BEGAIN: variants seen among roughly 807,000 people sequenced by gnomAD.
BEGAIN encodes brain-enriched guanylate kinase-associated protein.
Under a neutral mutation model 35.8 loss-of-function variants are expected in BEGAIN, and 19 were observed. That is an observed-to-expected ratio of 0.53 (90% CI 0.37 to 0.78). BEGAIN has a LOEUF of 0.78. BEGAIN is among the 30% of genes least tolerant of loss of function. The pLI is 0.00. For synonymous variants in BEGAIN, 462 were observed against 388.6 expected, an observed-to-expected ratio of 1.19 and a Z score of -2.22; for missense variants, 795 against 853.6, an observed-to-expected ratio of 0.93 and a Z score of 0.85.
Position 100,538,559 on chromosome 14 carries a change from A to G in BEGAIN, c.1249T>C (p.Trp417Arg). 1 of 1,529,998 alleles carries G rather than the reference A, an allele frequency of 6.5e-7. No homozygotes were observed. The highest frequency in any genetic ancestry group is 1.4e-5 in the African/African-American group (1 of 72,990). The allele number at this position is 1,529,998 out of a possible 1,614,324, so 94.8% of individuals were successfully genotyped here. ...PQQALMPPNLWSLRAKPGTAR... is the reference protein window; with the variant it reads ...PQQALMPPNLRSLRAKPGTAR... ...GTCCCCGGCTTGGCCCGCAGGCTCC[A>G]CAGGTTTGGGGGCATCAGGGCCTGC... The change falls in exon 7 of 7, where the codon TGG becomes CGG. Residue 417 changes from tryptophan to arginine, a missense_variant. Transcript: ENST00000554140.
intron 2 of BEGAIN, among the ~76,000 whole-genome samples, chr14:100,551,747 AG>A (rs1165052111): frequency 6.6e-6 from 1 of 152,020 alleles, no homozygotes; most frequent in Non-Finnish European, 1.5e-5. Context: ...GGTCAGGCCG[AG>A]GGGGCAGCAG....
intron 1 of BEGAIN, among the ~76,000 whole-genome samples, chr14:100,570,282 TG>T (rs2035036574): frequency 6.6e-6 from 1 of 152,178 alleles, no homozygotes; most frequent in Non-Finnish European, 1.5e-5. Flanking sequence ...AGAAGGGAAC[TG>T]GGGGGAAAGG....
In BEGAIN at chr14:100,573,168, G is replaced by A. The variant is rs1313556071; in HGVS notation, c.43-5229C>T. ...AATCCCAAGGGGCCACTGGAGGAGGGAGCAGGTGAGTCTGGGGGGAGGGGC... is the reference window on the plus strand; with the variant it reads ...AATCCCAAGGGGCCACTGGAGGAGGAAGCAGGTGAGTCTGGGGGGAGGGGC... On this transcript the variant is annotated intron_variant, in intron 1 of 6. Coordinates refer to ENST00000554140, the MANE Select transcript of BEGAIN (RefSeq NM_001385089.1). The surrounding 1 kb of genome is among the most constrained non-coding windows in gnomAD (Gnocchi z 4.2). Among the ~76,000 whole-genome samples the A allele has an allele frequency of 6.7e-6, 1 of 148,886 alleles. No individual in the cohort carries two copies. The highest frequency in any genetic ancestry group is 1.5e-5 in the Non-Finnish European group (1 of 67,154).
At chr14:100,580,717 T>G (rs1374807402) in intron 1 of BEGAIN, among the ~76,000 whole-genome samples, 1 of 152,190 alleles carries the variant, frequency 6.6e-6, no homozygotes, top group East Asian at 1.9e-4. Context: ...TATCTGTGTG[T>G]GTGTCCCCCC....
In BEGAIN at chr14:100,538,906, A is replaced by G. The variant is rs1324696310; in HGVS notation, c.902T>C (p.Phe301Ser). The change falls in exon 7 of 7, where the codon TTC becomes TCC. Residue 301 changes from phenylalanine (F) to serine (S), a missense_variant. Transcript: ENST00000554140. ...GTAGCTGGGGAAGGCCTCATGCTGGAAGCCCGCCGGGAAGGCCGCCGCCTC... is the reference window on the plus strand; with the variant it reads ...GTAGCTGGGGAAGGCCTCATGCTGGGAGCCCGCCGGGAAGGCCGCCGCCTC... The part of the protein sequence containing the change: ...EAEAAAFPAG[F>S]QHEAFPSYAG... The G allele has an allele frequency of 6.2e-7, 1 of 1,607,502 alleles. No individual in the cohort carries two copies.
In BEGAIN at chr14:100,542,784, T is replaced by G. The variant is rs910868733; in HGVS notation, c.408+1074A>C. On this transcript the variant is annotated intron_variant, in intron 5 of 6. Coordinates refer to ENST00000554140, the MANE Select transcript of BEGAIN (RefSeq NM_001385089.1). ...TATGGTCCTGGCCTCCTCCTGATCT[T>G]CCTGCTCCTGTCCTCGTCCCTACAG... 2.6e-5 allele frequency among the ~76,000 whole-genome samples: 4 copies of G among 152,218 alleles called. No individual in the cohort carries two copies. In the East Asian group the frequency reaches 7.7e-4, roughly 29 times the overall value.
chr14:100,583,137 C>T (rs1176074412), intron 1 of BEGAIN, among the ~76,000 whole-genome samples: 1 of 151,874 alleles, frequency 6.6e-6, no homozygotes, highest in Non-Finnish European at 1.5e-5. Flanking sequence ...CTCCCGTCTC[C>T]ATCTGTCCGC....
chr14:100,566,786 G>A (rs2034719790), intron 2 of BEGAIN, among the ~76,000 whole-genome samples: 1 of 152,196 alleles, frequency 6.6e-6, no homozygotes, highest in Non-Finnish European at 1.5e-5. Flanking sequence ...TGTTGGTCCT[G>A]TCCCTGTGGG....
intron 2 of BEGAIN, among the ~76,000 whole-genome samples, chr14:100,551,479 T>C (rs2033188117): frequency 6.6e-6 from 1 of 152,164 alleles, no homozygotes; most frequent in Non-Finnish European, 1.5e-5. Context: ...TTCAGGCAGA[T>C]GGGCGTGCTC....
rs1254741751 is a variant in BEGAIN, at chr14:100,546,799, C to A, written c.72-137G>T. 12 of 637,404 alleles carry A rather than the reference C, an allele frequency of 1.9e-5. No individual in the cohort carries two copies. In the African/African-American group the frequency reaches 2.2e-4, roughly 12 times the overall value. The allele number at this position is 637,404 out of a possible 1,614,324, so 39.5% of individuals were successfully genotyped here. On this transcript the variant is annotated intron_variant, in intron 2 of 6. Coordinates refer to ENST00000554140, the MANE Select transcript of BEGAIN (RefSeq NM_001385089.1). ...GCGCGCGCACACACACACACACACACACACACACACACACTCACACACACC... is the reference window on the plus strand; with the variant it reads ...GCGCGCGCACACACACACACACACAAACACACACACACACTCACACACACC...
intron 2 of BEGAIN, among the ~76,000 whole-genome samples, chr14:100,553,318 A>C (rs2140626996): frequency 6.6e-6 from 1 of 152,208 alleles, no homozygotes; most frequent in African/African-American, 2.4e-5. Flanking sequence ...CTACAGATGC[A>C]GAAAAGCCTG....
At chr14:100,544,854 C>T in intron 4 of BEGAIN, 146 bp downstream of exon 4, 1 of 859,200 alleles carries the variant, frequency 1.2e-6, no homozygotes, top group Non-Finnish European at 1.9e-6. Context: ...AGAGCACACA[C>T]CCTGCTCCAC....
intron 2 of BEGAIN, among the ~76,000 whole-genome samples, chr14:100,554,627 C>T (rs1219489407): frequency 6.6e-6 from 1 of 152,040 alleles, no homozygotes; most frequent in African/African-American, 2.4e-5. Flanking sequence ...AGGTCAATTG[C>T]TGCCCCTCAC....
chr14:100,544,403 A>G (rs1388227737), intron 4 of BEGAIN, among the ~76,000 whole-genome samples: 1 of 152,148 alleles, frequency 6.6e-6, no homozygotes, highest in Non-Finnish European at 1.5e-5. Context: ...TAGCACCACA[A>G]AGGTGGGCAG....
At position 100,538,461 on chromosome 14, in the gene BEGAIN, G is replaced by C; in HGVS notation, c.1347C>G (p.Ser449=). ...PLSVEDIGAY[S]YPVSAAGRAS... is the part of the protein sequence containing the mutation. ...CGCGGCCGGCAGCGCTCACGGGGTA[G>C]GAGTAGGCGCCGATGTCCTCCACGC... The change falls in exon 7 of 7, where the codon TCC becomes TCG. Residue 449 remains serine (S), a synonymous_variant. Coordinates refer to ENST00000554140, the MANE Select transcript of BEGAIN (RefSeq NM_001385089.1). 1 of 1,587,014 alleles carries C rather than the reference G, an allele frequency of 6.3e-7. No homozygotes were observed.
chr14:100,559,512 G>A (rs563483372), intron 2 of BEGAIN, among the ~76,000 whole-genome samples: 8 of 152,302 alleles, frequency 5.3e-5, no homozygotes, highest in African/African-American at 1.9e-4. Flanking sequence ...AGAAGAGGTC[G>A]CAATTCAGCA....
At chr14:100,553,410 G>T (rs758212396) in intron 2 of BEGAIN, among the ~76,000 whole-genome samples, 2 of 152,130 alleles carry the variant, frequency 1.3e-5, no homozygotes, top group Admixed American at 6.5e-5. Context: ...AGCCAGGTCT[G>T]GCCACACCCC....
intron 5 of BEGAIN, among the ~76,000 whole-genome samples, chr14:100,541,917 G>A (rs1263641201): frequency 2.0e-5 from 3 of 152,202 alleles, no homozygotes; most frequent in African/African-American, 7.2e-5. Flanking sequence ...GGCCACCCAG[G>A]GCCCGGGGCT....
chr14:100,538,035 A>T lies in BEGAIN; in HGVS notation c.1773T>A (p.Gly591=). 6.2e-7 allele frequency: 1 copy of T among 1,608,378 alleles called. No homozygotes were observed. Among genetic ancestry groups the T allele is most frequent in the Non-Finnish European group, 8.5e-7 (1 of 1,178,412 alleles). The stretch of plus-strand genomic sequence containing the variant: ...TGTCCTTGCGGCTCAGCCCCGAGCC[A>T]CCAGTCCGCGGAAAGGCCTGCTGGG... ...LSPQQAFPRT[G]GSGLSRKDSL... Residue 591 remains glycine, a synonymous_variant, in exon 7 of 7, where the codon GGT becomes GGA. Transcript: ENST00000554140.
Sources: gnomAD v4.1 joint callset for allele counts (sites outside exome capture counted in the v4.1 genomes callset) on GRCh38, gnomAD v4.1.1 for gene constraint, Gnocchi (gnomAD v3.1) non-coding constraint, MANE v1.5 for transcripts, NCBI Gene and HGNC (gene_info 2026-07-23, HGNC 2026-07-21) for gene names.